FRMD4A: variants seen among roughly 807,000 people sequenced by gnomAD.
The protein encoded by FRMD4A is FERM domain-containing protein 4A.
FRMD4A carries 29 observed loss-of-function variants against 129.1 expected under a neutral mutation model. The observed-to-expected ratio is 0.22, with a 90% CI of 0.17 to 0.31. FRMD4A has a LOEUF of 0.31. FRMD4A is among the 10% of genes least tolerant of loss of function. FRMD4A has a pLI of 1.00. For missense variants in FRMD4A, 1,272 were observed against 1,375.8 expected (o/e 0.92, Z 1.19); for synonymous variants, 634 against 571.6 (o/e 1.11, Z -1.56).
chr10:14,088,114 G>A (rs1168920492), intron 2 of FRMD4A, among the ~76,000 whole-genome samples: 1 of 152,020 alleles, frequency 6.6e-6, no homozygotes, highest in Non-Finnish European at 1.5e-5. Context: ...ATCCTTATCT[G>A]TAAAAAGGGG....
intron 2 of FRMD4A, among the ~76,000 whole-genome samples, chr10:14,321,691 A>G (rs1255750553): frequency 6.6e-6 from 1 of 152,192 alleles, no homozygotes; most frequent in Non-Finnish European, 1.5e-5. Context: ...ACTCTAGAAA[A>G]AGTACAGAAG....
chr10:14,010,380 T>A (rs1179086410), intron 2 of FRMD4A, among the ~76,000 whole-genome samples: 2 of 152,188 alleles, frequency 1.3e-5, no homozygotes, highest in Non-Finnish European at 2.9e-5. Flanking sequence ...TAGAAGAGAA[T>A]GTTAATGGTA....
chr10:13,972,242 G>T (rs780016141), intron 2 of FRMD4A: 1 of 995,092 alleles, frequency 1.0e-6, no homozygotes, highest in Non-Finnish European at 1.2e-6. Context: ...AGAGCAGAGA[G>T]CTGCAGCCTT....
chr10:14,180,693 C>T (rs1841885922), intron 2 of FRMD4A, among the ~76,000 whole-genome samples: 1 of 152,168 alleles, frequency 6.6e-6, no homozygotes. Flanking sequence ...ATGAGAGTTC[C>T]TAAACTGTGG....
intron 2 of FRMD4A, among the ~76,000 whole-genome samples, chr10:14,031,268 C>G (rs973865696): frequency 8.6e-6 from 1 of 116,384 alleles, no homozygotes; most frequent in Non-Finnish European, 1.6e-5. Context: ...CTTTTATAGA[C>G]ATTTTTTTTT....
intron 2 of FRMD4A, among the ~76,000 whole-genome samples, chr10:14,110,897 T>A (rs1211558512): frequency 6.6e-6 from 1 of 152,170 alleles, no homozygotes. Context: ...AGTGGTGCAG[T>A]CATAGGTCAC....
At chr10:13,825,888 T>A (rs11258651) in intron 3 of FRMD4A, among the ~76,000 whole-genome samples, 1 of 152,106 alleles carries the variant, frequency 6.6e-6, no homozygotes, top group Non-Finnish European at 1.5e-5. Flanking sequence ...ATGATTTTGG[T>A]ATCTTAGCAG....
chr10:14,075,287 G>A (rs1835521043), intron 2 of FRMD4A, among the ~76,000 whole-genome samples: 1 of 152,198 alleles, frequency 6.6e-6, no homozygotes, highest in Admixed American at 6.5e-5. Flanking sequence ...AGAGGAAAGG[G>A]GAGGACATAT....
At chr10:13,670,005 A>G (rs2083387503) in intron 17 of FRMD4A, among the ~76,000 whole-genome samples, 1 of 152,144 alleles carries the variant, frequency 6.6e-6, no homozygotes, top group South Asian at 2.1e-4. Context: ...CTTGCACCTG[A>G]TGCCGTGGCC....
chr10:14,048,873 A>G (rs11594434), intron 2 of FRMD4A, among the ~76,000 whole-genome samples: 43 of 136,518 alleles, frequency 3.1e-4, no homozygotes, highest in Admixed American at 4.4e-4. Flanking sequence ...AATAGAATAG[A>G]ATAGAATAGA....
chr10:14,232,134 A>C (rs1355591024), intron 2 of FRMD4A, among the ~76,000 whole-genome samples: 2 of 152,206 alleles, frequency 1.3e-5, no homozygotes, highest in Non-Finnish European at 2.9e-5. Flanking sequence ...GTCCAGTTTC[A>C]ATCTTCTGCA....
At chr10:13,884,214 A>ACACACTCT (rs879666130) in intron 2 of FRMD4A, among the ~76,000 whole-genome samples, 6 of 115,266 alleles carry the variant, frequency 5.2e-5, no homozygotes, top group African/African-American at 1.6e-4. Flanking sequence ...ACACTCACAC[A>ACACACTCT]CACACACACA....
At chr10:13,713,999 CATATATAATAT>C (rs1564672387) in intron 12 of FRMD4A, among the ~76,000 whole-genome samples, 10 of 28,970 alleles carry the variant, frequency 3.5e-4, no homozygotes, top group East Asian at 2.9e-3. Flanking sequence ...ATATAATATA[CATATATAATAT>C]ACATATATAA....
At chr10:13,963,530 T>TA (rs1234436787) in intron 2 of FRMD4A, among the ~76,000 whole-genome samples, 1 of 152,136 alleles carries the variant, frequency 6.6e-6, no homozygotes, top group African/African-American at 2.4e-5. Context: ...TTTGTGAAGA[T>TA]AAAAACGAAT....
At chr10:14,074,932 C>G (rs551422587) in intron 2 of FRMD4A, 1 of 152,290 alleles carries the variant, frequency 6.6e-6, no homozygotes, top group East Asian at 1.9e-4. Flanking sequence ...ACTACCAGAG[C>G]TTGTAATACA....
intron 2 of FRMD4A, among the ~76,000 whole-genome samples, chr10:14,119,494 T>A (rs552736339): frequency 1.7e-4 from 26 of 152,192 alleles, no homozygotes; most frequent in Non-Finnish European, 3.5e-4. Flanking sequence ...CTGATGGTGA[T>A]GTTTGCCGTA....
At chr10:14,173,183 G>A (rs10906622) in intron 2 of FRMD4A, among the ~76,000 whole-genome samples, 75,417 of 152,022 alleles carry the variant, frequency 0.5, 20,443 homozygotes, top group Non-Finnish European at 0.6. Context: ...GAAATTTCTG[G>A]TTAAGAAAAG....
chr10:13,864,711 G>T (rs1463575177), intron 2 of FRMD4A, among the ~76,000 whole-genome samples: 1 of 151,744 alleles, frequency 6.6e-6, no homozygotes, highest in African/African-American at 2.4e-5. Flanking sequence ...GAGTAGCTGG[G>T]ATTATAGGCA....
intron 2 of FRMD4A, among the ~76,000 whole-genome samples, chr10:14,264,939 G>A (rs1200014112): frequency 2.6e-5 from 4 of 152,072 alleles, no homozygotes; most frequent in Admixed American, 6.6e-5. Flanking sequence ...TCACCACCAT[G>A]CCTGGCTAAT....
Sources: allele counts gnomAD v4.1 joint callset (sites outside exome capture counted in the v4.1 genomes callset), GRCh38; gene constraint gnomAD v4.1.1; transcripts MANE v1.5; gene names NCBI Gene and HGNC (gene_info 2026-07-23, HGNC 2026-07-21).